The following ABLIM1 variants were observed in gnomAD, a reference collection of about 807,000 sequenced individuals.
ABLIM1 encodes actin-binding LIM protein 1.
ABLIM1 carries 40 observed loss-of-function variants against 107.0 expected under a neutral mutation model. The observed-to-expected ratio is 0.37, with a 90% confidence interval of 0.29 to 0.49. The LOEUF (loss-of-function observed/expected upper bound fraction) is 0.49, where lower values mean the gene tolerates loss of function less well. Ranked by LOEUF, ABLIM1 falls within the 20% of genes least tolerant of loss-of-function variation. The probability of loss-of-function intolerance (pLI) is 0.97; values close to 1 mark genes in which losing one functional copy is unlikely to be tolerated. For synonymous variants in ABLIM1, 357 were observed against 357.3 expected (o/e 1.00, Z 0.01); for missense variants, 857 against 1,008.5 (o/e 0.85, Z 2.04).
chr10:114,605,717 A>G (rs1472697813), intron 1 of ABLIM1, among the ~76,000 whole-genome samples: 5 of 152,178 alleles, frequency 3.3e-5, no homozygotes, highest in Non-Finnish European at 5.9e-5. Context: ...ACAAAGAGCC[A>G]AGAGTCTACC....
chr10:114,724,180 G>A (rs181228725), intron 1 of ABLIM1, among the ~76,000 whole-genome samples: 1 of 152,202 alleles, frequency 6.6e-6, no homozygotes, highest in East Asian at 1.9e-4. Flanking sequence ...CATTATTATT[G>A]TGCAACAGAA....
At chr10:114,769,415 A>AAAG (rs1555235397), upstream of ABLIM1, among the ~76,000 whole-genome samples, 1 of 133,698 alleles carries the variant, frequency 7.5e-6, no homozygotes, top group African/African-American at 2.9e-5. Context: ...AGAAAGAAAG[A>AAAG]AAAGAAGGAA....
chr10:114,740,112 A>AGT (rs1458623900), intron 1 of ABLIM1, among the ~76,000 whole-genome samples: 1 of 152,164 alleles, frequency 6.6e-6, no homozygotes, highest in Non-Finnish European at 1.5e-5. Context: ...AGTATCTAAG[A>AGT]GTGTGTCTAG....
intron 1 of ABLIM1, among the ~76,000 whole-genome samples, chr10:114,720,134 T>C (rs979776100): frequency 6.6e-6 from 1 of 152,242 alleles, no homozygotes; most frequent in Non-Finnish European, 1.5e-5. Context: ...TTTGGTTTTC[T>C]GTTCCTGCAT....
chr10:114,492,439 A>G (rs562159626), intron 6 of ABLIM1, among the ~76,000 whole-genome samples: 81 of 152,242 alleles, frequency 5.3e-4, no homozygotes, highest in Middle Eastern at 3.4e-3. Context: ...AGTGGCTTAC[A>G]TGAAGAGTTT....
intron 1 of ABLIM1, 49 bp downstream of exon 1, chr10:114,657,908 G>A (rs181184858): frequency 1.6e-4 from 237 of 1,470,082 alleles, no homozygotes; most frequent in Non-Finnish European, 2.1e-4. Flanking sequence ...TCTTAATTAC[G>A]CCAATCACAA....
intron 3 of ABLIM1, among the ~76,000 whole-genome samples, chr10:114,574,677 G>A (rs2072235406): frequency 6.6e-6 from 1 of 152,050 alleles, no homozygotes; most frequent in Admixed American, 6.5e-5. Flanking sequence ...CTTGAGCTCA[G>A]GTGATGTACC....
intron 1 of ABLIM1, among the ~76,000 whole-genome samples, chr10:114,607,309 C>G (rs767471726): frequency 5.9e-5 from 9 of 152,214 alleles, no homozygotes; most frequent in Middle Eastern, 3.2e-3. Context: ...ATCCACCCGG[C>G]TCTGCCTCCC....
At chr10:114,653,970 C>T (rs1478324104) in intron 1 of ABLIM1, among the ~76,000 whole-genome samples, 1 of 152,248 alleles carries the variant, frequency 6.6e-6, no homozygotes, top group African/African-American at 2.4e-5. Flanking sequence ...TCCAGCACAA[C>T]TCAAAGCAGG....
At chr10:114,489,683 A>T (rs1488596754) in intron 7 of ABLIM1, among the ~76,000 whole-genome samples, 1 of 152,184 alleles carries the variant, frequency 6.6e-6, no homozygotes, top group Non-Finnish European at 1.5e-5. Flanking sequence ...TCTGCTGAGC[A>T]GGAGTCACTG....
chr10:114,460,868 C>A (rs751424251), intron 12 of ABLIM1, among the ~76,000 whole-genome samples: 4 of 152,262 alleles, frequency 2.6e-5, no homozygotes, highest in African/African-American at 9.6e-5. Flanking sequence ...TAGTCATTGA[C>A]CATTTATGGA....
At chr10:114,696,662 C>T (rs1369762450) in intron 1 of ABLIM1, among the ~76,000 whole-genome samples, 54 of 146,466 alleles carry the variant, frequency 3.7e-4, no homozygotes, top group South Asian at 6.4e-4. Context: ...GGCTCTCATT[C>T]TCTCTTGCCT....
the ABLIM1 span, among the ~76,000 whole-genome samples, chr10:114,790,721 C>T: frequency 4.6e-5 from 7 of 152,074 alleles, no homozygotes; most frequent in Admixed American, 3.3e-4. Flanking sequence ...TTTTTGTTTA[C>T]ACTAGAAGCA....
intron 12 of ABLIM1, among the ~76,000 whole-genome samples, chr10:114,461,053 C>T (rs1159806830): frequency 6.6e-6 from 1 of 151,724 alleles, no homozygotes; most frequent in African/African-American, 2.4e-5. Context: ...TAACCAAAAT[C>T]TTTGTTTTCT....
At chr10:114,600,504 C>T (rs1387438421) in intron 2 of ABLIM1, among the ~76,000 whole-genome samples, 1 of 152,176 alleles carries the variant, frequency 6.6e-6, no homozygotes, top group East Asian at 1.9e-4. Context: ...CAGGAAAGCA[C>T]TCCCTCCTCC....
chr10:114,787,848 A>G, the ABLIM1 span, among the ~76,000 whole-genome samples: 5 of 148,158 alleles, frequency 3.4e-5, no homozygotes, highest in African/African-American at 4.9e-5. Context: ...GCTCATTGAG[A>G]ACGGGCCATG....
At chr10:114,456,873 G>A (rs1589866865) in intron 12 of ABLIM1, among the ~76,000 whole-genome samples, 1 of 151,104 alleles carries the variant, frequency 6.6e-6, no homozygotes, top group Admixed American at 6.6e-5. Context: ...CCAGTTGGGT[G>A]TGGTTCTATA....
At chr10:114,541,598 C>T (rs2066664957) in intron 6 of ABLIM1, among the ~76,000 whole-genome samples, 1 of 152,152 alleles carries the variant, frequency 6.6e-6, no homozygotes, top group African/African-American at 2.4e-5. Flanking sequence ...GCTCACACGC[C>T]CATCTAAGGA....
intron 6 of ABLIM1, among the ~76,000 whole-genome samples, chr10:114,542,410 TAA>T (rs1186576100): frequency 6.1e-5 from 3 of 49,586 alleles, no homozygotes; most frequent in Non-Finnish European, 9.2e-5. Context: ...ACCTTGTCTC[TAA>T]AAAAAAAAAA....
Sources: gnomAD v4.1 joint callset for allele counts (sites outside exome capture counted in the v4.1 genomes callset) on GRCh38, gnomAD v4.1.1 for gene constraint, MANE v1.5 for transcripts, NCBI Gene and HGNC (gene_info 2026-07-23, HGNC 2026-07-21) for gene names.